EXOC4: variants seen among roughly 807,000 people sequenced by gnomAD.
The protein encoded by EXOC4 is exocyst complex component 4, also known as SEC8-like 1.
A neutral mutation model predicts 107.2 loss-of-function variants in EXOC4; 71 were observed. That is an observed-to-expected ratio of 0.66 (90% CI 0.55 to 0.81). The LOEUF (loss-of-function observed/expected upper bound fraction) is 0.81, where lower values mean the gene tolerates loss of function less well. Ranked by LOEUF, EXOC4 falls within the 30% of genes least tolerant of loss-of-function variation. The pLI, the probability that EXOC4 is intolerant of heterozygous loss-of-function variation, is 0.00. For missense variants in EXOC4, 1,108 were observed against 1,189.6 expected (o/e 0.93, Z 1.01); for synonymous variants, 456 against 441.2 (o/e 1.03, Z -0.42).
chr7:133,812,189 C>G (rs549111686), intron 10 of EXOC4, among the ~76,000 whole-genome samples: 3 of 152,244 alleles, frequency 2.0e-5, no homozygotes, highest in Admixed American at 6.5e-5. Context: ...TTCCTCTAAT[C>G]TCCAGCCTCA....
intron 9 of EXOC4, among the ~76,000 whole-genome samples, chr7:133,571,116 G>A (rs985036869): frequency 3.3e-5 from 5 of 152,098 alleles, no homozygotes; most frequent in Non-Finnish European, 5.9e-5. Context: ...TTTAAAGAAC[G>A]ATATTTTTTA....
Position 133,576,783 on chromosome 7 carries a change from C to T in EXOC4, c.1418-53262C>T, listed in dbSNP as rs371478666. The T allele has an allele frequency of 1.4e-4, 179 of 1,289,234 alleles. No homozygotes were observed. In the African/African-American group the frequency reaches 2.5e-3, roughly 18 times the overall value. The allele number at this position is 1,289,234 out of a possible 1,614,324, so 79.9% of individuals were successfully genotyped here. On this transcript the variant is annotated intron_variant, in intron 9 of 17. Coordinates refer to ENST00000253861, the MANE Select transcript of EXOC4 (RefSeq NM_021807.4). ...AGAGGTAACTGTGAGGCTTTTACAC[C>T]CAGACAGCCCTTCTGTGCATGGCAA...
At chr7:133,594,483 A>G (rs1283187248) in intron 9 of EXOC4, among the ~76,000 whole-genome samples, 1 of 99,876 alleles carries the variant, frequency 1.0e-5, no homozygotes, top group Admixed American at 1.2e-4. Flanking sequence ...AGAAATACAT[A>G]AGCTTGAGTC....
chr7:133,486,045 G>A (rs898082818), intron 9 of EXOC4, among the ~76,000 whole-genome samples: 1 of 151,840 alleles, frequency 6.6e-6, no homozygotes, highest in African/African-American at 2.4e-5. Flanking sequence ...AGTTTAATGA[G>A]TGGCCTTTCT....
intron 5 of EXOC4, among the ~76,000 whole-genome samples, chr7:133,318,112 A>T (rs1199622716): frequency 6.6e-6 from 1 of 152,038 alleles, no homozygotes; most frequent in Non-Finnish European, 1.5e-5. Flanking sequence ...TGAGTGTGTG[A>T]CCTCTGTCCT....
chr7:134,046,182 A>C (rs1391894774), intron 17 of EXOC4, among the ~76,000 whole-genome samples: 3 of 152,176 alleles, frequency 2.0e-5, no homozygotes, highest in Non-Finnish European at 4.4e-5. Flanking sequence ...AAAATACAGA[A>C]TGTTAAAACC....
At chr7:133,342,975 C>G (rs930135253) in intron 5 of EXOC4, among the ~76,000 whole-genome samples, 1 of 152,110 alleles carries the variant, frequency 6.6e-6, no homozygotes, top group South Asian at 2.1e-4. Context: ...TTTGCTGGTG[C>G]CTCCTTGAGT....
At chr7:133,287,853 A>T (rs562158937) in intron 2 of EXOC4, among the ~76,000 whole-genome samples, 10 of 152,290 alleles carry the variant, frequency 6.6e-5, no homozygotes, top group African/African-American at 2.4e-4. Flanking sequence ...TATTTTCATC[A>T]CCACACCAAG....
chr7:133,422,094 C>T (rs1329387877), intron 7 of EXOC4, among the ~76,000 whole-genome samples: 1 of 152,116 alleles, frequency 6.6e-6, no homozygotes, highest in Non-Finnish European at 1.5e-5. Flanking sequence ...AAGAACTGAG[C>T]CCTTTTGTCC....
At chr7:133,813,932 TAAAGA>T (rs1228716689) in intron 10 of EXOC4, among the ~76,000 whole-genome samples, 1 of 152,162 alleles carries the variant, frequency 6.6e-6, no homozygotes, top group African/African-American at 2.4e-5. Context: ...GTTTAGTAAG[TAAAGA>T]AAACTCTTTA....
intron 17 of EXOC4, among the ~76,000 whole-genome samples, chr7:134,026,381 T>C (rs1003053674): frequency 1.1e-4 from 16 of 151,808 alleles, no homozygotes; most frequent in African/African-American, 3.9e-4. Flanking sequence ...AGCCAATTCC[T>C]GTGGCCCAGA....
the EXOC4 span, among the ~76,000 whole-genome samples, chr7:134,081,069 A>G: frequency 6.6e-6 from 1 of 152,238 alleles, no homozygotes; most frequent in East Asian, 1.9e-4. Context: ...CTGGCCAGGC[A>G]TGGTGGCTCA....
At chr7:133,908,691 A>G (rs1436748429) in intron 12 of EXOC4, among the ~76,000 whole-genome samples, 1 of 152,234 alleles carries the variant, frequency 6.6e-6, no homozygotes, top group African/African-American at 2.4e-5. Context: ...GCTCAGAAGA[A>G]TGCATAGCTC....
rs138103779 is a variant in EXOC4 at position 134,064,362 on chromosome 7, A to C, written c.2759A>C (p.Tyr920Ser). 3.9e-6 allele frequency: 6 copies of C among 1,556,238 alleles called. No individual in the cohort carries two copies. The highest frequency in any genetic ancestry group is 5.2e-6 in the Non-Finnish European group (6 of 1,145,534). ...LNLVVDQGVK[Y>S]TELEYIHALT... ...CTGGTGGTGGACCAGGGTGTGAAGT[A>C]CACGGAGCTGGAGTACATCCACGCT... Residue 920 changes from tyrosine (Y) to serine (S), a missense_variant, in exon 18 of 18, where the codon TAC becomes TCC. Transcript: ENST00000253861.
At chr7:133,791,594 A>C (rs965430143) in intron 10 of EXOC4, among the ~76,000 whole-genome samples, 1 of 152,236 alleles carries the variant, frequency 6.6e-6, no homozygotes, top group Non-Finnish European at 1.5e-5. Flanking sequence ...TTGGTTAGTA[A>C]AAATATTTCA....
chr7:133,285,925 G>C (rs6963055), intron 2 of EXOC4, among the ~76,000 whole-genome samples: 1 of 151,810 alleles, frequency 6.6e-6, no homozygotes, highest in African/African-American at 2.4e-5. Context: ...ATACCCGGCT[G>C]ATTTTTTAAT....
Position 134,044,798 on chromosome 7 carries a change from C to T in EXOC4, c.2688-19493C>T, listed in dbSNP as rs540530737. ...TTATATTCACATAGCACTTTACAAT[C>T]GACATAGGGCTTTCACAAATATGAT... On this transcript the variant is annotated intron_variant, in intron 17 of 17. Transcript: ENST00000253861. Among the ~76,000 whole-genome samples the T allele has an allele frequency of 1.3e-4, 20 of 152,340 alleles. No individual in the cohort carries two copies. In the South Asian group the frequency reaches 3.7e-3, roughly 28 times the overall value.
chr7:133,387,743 G>A (rs904712130), intron 7 of EXOC4, among the ~76,000 whole-genome samples: 10 of 152,014 alleles, frequency 6.6e-5, no homozygotes, highest in African/African-American at 1.9e-4. Flanking sequence ...TAATCTTGCT[G>A]GGAGCTAAGA....
intron 7 of EXOC4, among the ~76,000 whole-genome samples, chr7:133,381,409 T>C (rs1796616295): frequency 6.6e-6 from 1 of 152,068 alleles, no homozygotes; most frequent in Admixed American, 6.6e-5. Flanking sequence ...AAGAAAGGTT[T>C]TGGAGATTGA....
Sources: gnomAD v4.1 joint callset for allele counts (sites outside exome capture counted in the v4.1 genomes callset) on GRCh38, gnomAD v4.1.1 for gene constraint, MANE v1.5 for transcripts, NCBI Gene and HGNC (gene_info 2026-07-23, HGNC 2026-07-21) for gene names.